VTI1A: variants seen among roughly 807,000 people sequenced by gnomAD.
VTI1A encodes the protein vesicle transport through interaction with t-SNAREs 1A, also known as vesicle transport through interaction with t-SNAREs homolog 1A.
In VTI1A, 22 loss-of-function variants were observed where a neutral mutation model predicts 34.9. The ratio of observed to expected loss-of-function variants is 0.63; its 90% CI spans 0.45 to 0.90. The LOEUF (loss-of-function observed/expected upper bound fraction) is 0.90, where lower values mean the gene tolerates loss of function less well. Among genes scored for constraint, VTI1A ranks in the 40% least tolerant of loss-of-function variants. The pLI, the probability that VTI1A is intolerant of heterozygous loss-of-function variation, is 0.00. For missense variants in VTI1A, 268 were observed against 275.6 expected (o/e 0.97, Z 0.20); for synonymous variants, 87 against 97.3 (o/e 0.89, Z 0.62).
At chr10:112,641,846 C>A (rs1846586484) in intron 5 of VTI1A, among the ~76,000 whole-genome samples, 1 of 152,114 alleles carries the variant, frequency 6.6e-6, no homozygotes, top group Non-Finnish European at 1.5e-5. Context: ...CAGTCCACAG[C>A]CCAACTCCTG....
At chr10:112,631,015 G>T (rs1425141711) in intron 5 of VTI1A, among the ~76,000 whole-genome samples, 1 of 152,072 alleles carries the variant, frequency 6.6e-6, no homozygotes, top group Admixed American at 6.5e-5. Context: ...CCAGCTACCT[G>T]GGAGGCTGAG....
At chr10:112,747,038 C>T (rs1197344011) in intron 7 of VTI1A, among the ~76,000 whole-genome samples, 1 of 152,168 alleles carries the variant, frequency 6.6e-6, no homozygotes, top group African/African-American at 2.4e-5. Flanking sequence ...AGTCACACAG[C>T]CAACAAGTGG....
In VTI1A at chr10:112,598,884, G is replaced by A. The variant is rs1302055292; in HGVS notation, c.427+60554G>A. 2.4e-4 allele frequency among the ~76,000 whole-genome samples: 36 copies of A among 152,138 alleles called. 1 individual carries two copies. The highest frequency in any genetic ancestry group is 2.2e-3 in the Admixed American group (33 of 15,270). ...GAATTGGGCTTATCCGGTTTCCTACGACTTTGCTTTTGTACAGCAAGTTTA... is the reference window on the plus strand; with the variant it reads ...GAATTGGGCTTATCCGGTTTCCTACAACTTTGCTTTTGTACAGCAAGTTTA... On this transcript the variant is annotated intron_variant, in intron 5 of 7. Transcript: ENST00000393077.
chr10:112,673,474 A>ACACACACG (rs1847928073), intron 7 of VTI1A, among the ~76,000 whole-genome samples: 1 of 151,752 alleles, frequency 6.6e-6, no homozygotes, highest in Non-Finnish European at 1.5e-5. Flanking sequence ...GCGCGCACAC[A>ACACACACG]CACACACACG....
intron 5 of VTI1A, among the ~76,000 whole-genome samples, chr10:112,549,376 TGAGTA>T (rs1288371574): frequency 6.6e-6 from 1 of 152,208 alleles, no homozygotes; most frequent in East Asian, 1.9e-4. Flanking sequence ...CTGGGTTATC[TGAGTA>T]GAGAATGTTA....
intron 5 of VTI1A, among the ~76,000 whole-genome samples, chr10:112,639,039 C>T (rs988236428): frequency 6.6e-6 from 1 of 152,064 alleles, no homozygotes. Context: ...AAGTGGAAGC[C>T]TGTATCAAGA....
intron 5 of VTI1A, among the ~76,000 whole-genome samples, chr10:112,615,366 G>C (rs1356272547): frequency 6.6e-6 from 1 of 152,186 alleles, no homozygotes; most frequent in African/African-American, 2.4e-5. Context: ...TTACATCTCA[G>C]GTCCTGATGG....
In VTI1A at chr10:112,738,666, G is replaced by C. The variant is rs145114560; in HGVS notation, c.560+69668G>C. Among the ~76,000 whole-genome samples, 773 of 152,290 alleles carry C rather than the reference G, an allele frequency of 5.1e-3. 14 individuals are homozygous for C. The highest frequency in any genetic ancestry group is 0.018 in the African/African-American group (742 of 41,550). On this transcript the variant is annotated intron_variant, in intron 7 of 7. Coordinates refer to ENST00000393077, the MANE Select transcript of VTI1A (RefSeq NM_145206.4). ...AATGGTGACAGTTTCTTCCTCTCAT[G>C]AGCCATCTGGATCTTAATGGTTATT...
chr10:112,696,538 G>C (rs976887717), intron 7 of VTI1A, among the ~76,000 whole-genome samples: 1 of 152,136 alleles, frequency 6.6e-6, no homozygotes, highest in African/African-American at 2.4e-5. Flanking sequence ...GAAGAAACGT[G>C]GGATTGCTAA....
chr10:112,768,541 A>C (rs1052985371), intron 7 of VTI1A, among the ~76,000 whole-genome samples: 2 of 152,010 alleles, frequency 1.3e-5, no homozygotes, highest in Non-Finnish European at 2.9e-5. Flanking sequence ...GCATGTTTCC[A>C]CCCTCAACCT....
intron 5 of VTI1A, among the ~76,000 whole-genome samples, chr10:112,636,065 T>C (rs558848677): frequency 1.3e-5 from 2 of 152,276 alleles, no homozygotes; most frequent in East Asian, 1.9e-4. Flanking sequence ...CCAATAATTA[T>C]GGGTTGAGAT....
chr10:112,641,822 C>A (rs2133779178), intron 5 of VTI1A, among the ~76,000 whole-genome samples: 1 of 152,230 alleles, frequency 6.6e-6, no homozygotes, highest in East Asian at 1.9e-4. Flanking sequence ...GTTGTGTAGA[C>A]CACATCAAGT....
At chr10:112,830,847 A>ATTTTTTTTTTTTTTTTTT in the VTI1A span, among the ~76,000 whole-genome samples, 3 of 31,002 alleles carry the variant, frequency 9.7e-5, no homozygotes, top group African/African-American at 3.6e-4. Context: ...ATATATATAT[A>ATTTTTTTTTTTTTTTTTT]TATTTTTTTT....
At chr10:112,723,490 G>A (rs1192434426) in intron 7 of VTI1A, among the ~76,000 whole-genome samples, 6 of 152,168 alleles carry the variant, frequency 3.9e-5, no homozygotes, top group Non-Finnish European at 4.4e-5. Context: ...CAAGGTGGGG[G>A]CCCGGACTGA....
At chr10:112,788,403 T>G (rs1232117092) in intron 7 of VTI1A, among the ~76,000 whole-genome samples, 1 of 152,220 alleles carries the variant, frequency 6.6e-6, no homozygotes, top group Non-Finnish European at 1.5e-5. Context: ...AACATCCTTT[T>G]TTGTTCCTAA....
chr10:112,654,761 G>A (rs534896185), intron 5 of VTI1A, among the ~76,000 whole-genome samples: 17 of 152,260 alleles, frequency 1.1e-4, no homozygotes, highest in Admixed American at 5.2e-4. Flanking sequence ...GATTACAGGC[G>A]TGAGCCACCG....
chr10:112,660,982 C>G (rs1847424672), intron 5 of VTI1A, among the ~76,000 whole-genome samples: 1 of 151,962 alleles, frequency 6.6e-6, no homozygotes, highest in African/African-American at 2.4e-5. Context: ...TTTTTATTTA[C>G]TTATTTATTT....
At chr10:112,794,697 C>G (rs2134062461) in intron 7 of VTI1A, among the ~76,000 whole-genome samples, 2 of 152,260 alleles carry the variant, frequency 1.3e-5, no homozygotes, top group Non-Finnish European at 2.9e-5. Flanking sequence ...AAATTCAGAT[C>G]ATACTATACG....
At chr10:112,797,784 T>TA (rs1852722370) in intron 7 of VTI1A, among the ~76,000 whole-genome samples, 1 of 152,176 alleles carries the variant, frequency 6.6e-6, no homozygotes, top group Non-Finnish European at 1.5e-5. Context: ...TTTACCTAAA[T>TA]ATATGCAACA....
Sources: gnomAD v4.1 joint callset for allele counts (sites outside exome capture counted in the v4.1 genomes callset) on GRCh38, gnomAD v4.1.1 for gene constraint, MANE v1.5 for transcripts, NCBI Gene and HGNC (gene_info 2026-07-23, HGNC 2026-07-21) for gene names.